The following ETS1 variants were observed in gnomAD, a reference collection of about 807,000 sequenced individuals.
The protein encoded by ETS1 is protein C-ets-1.
Under a neutral mutation model 58.6 loss-of-function variants are expected in ETS1, and 15 were observed. That is an observed-to-expected ratio of 0.26 (90% CI 0.17 to 0.39). The LOEUF (loss-of-function observed/expected upper bound fraction) is 0.39. Ranked by LOEUF, ETS1 falls within the 10% of genes least tolerant of loss-of-function variation. The probability of loss-of-function intolerance (pLI) is 1.00; values close to 1 mark genes in which losing one functional copy is unlikely to be tolerated. For missense variants in ETS1, 417 were observed against 610.5 expected, an observed-to-expected ratio of 0.68 and a Z score of 3.34; for synonymous variants, 214 against 218.2, an observed-to-expected ratio of 0.98 and a Z score of 0.17.
chr11:128,559,278 A>G (rs1864366268), intron 2 of ETS1, among the ~76,000 whole-genome samples: 1 of 152,226 alleles, frequency 6.6e-6, no homozygotes, highest in African/African-American at 2.4e-5. Flanking sequence ...CCTGGGAACA[A>G]TGTGCAGAGG....
At chr11:128,578,477 TTTCTTTTGAAAACAAAA>T (rs1048609229) in intron 1 of ETS1, among the ~76,000 whole-genome samples, 2 of 152,192 alleles carry the variant, frequency 1.3e-5, no homozygotes, top group Non-Finnish European at 2.9e-5. Flanking sequence ...CTTTAATTTT[TTTCTTTTGAAAACAAAA>T]TTCTTTTGAA....
In ETS1 at chr11:128,585,394, T is replaced by TTCTGCTGTTTG. The variant is rs577068106; in HGVS notation, c.-15+2083_-15+2093dup. Among the ~76,000 whole-genome samples the TTCTGCTGTTTG allele has an allele frequency of 1.4e-3, 208 of 152,032 alleles. 1 individual carries two copies. Among genetic ancestry groups the TTCTGCTGTTTG allele is most frequent in the African/African-American group, 4.8e-3 (200 of 41,396 alleles). On this transcript the variant is annotated intron_variant, in intron 1 of 9. Coordinates refer to ENST00000392668, the MANE Select transcript of ETS1 (RefSeq NM_001143820.2). ...CAGCTCGTGGGACGTAATCATTCCC[T>TTCTGCTGTTTG]TCTGCTGTTTGATGTGAACAGTTGG... is the stretch of plus-strand genomic sequence containing the variant.
chr11:128,492,266 T>A (rs181029103), intron 3 of ETS1, among the ~76,000 whole-genome samples: 231 of 152,350 alleles, frequency 1.5e-3, no homozygotes, highest in Non-Finnish European at 2.6e-3. Flanking sequence ...ATGGGCTGAA[T>A]GAAATTAAGC....
At position 128,480,073 on chromosome 11, in the gene ETS1, C is replaced by T. The variant is rs112740933; in HGVS notation, c.1123+118G>A. On this transcript the variant is annotated intron_variant, in intron 8 of 9. Transcript: ENST00000392668. Reference sequence around the variant, plus strand: ...AGAATTCTTAGAGAGACTTCTCCCCCGTGCCCTGCAAAAGGGAGTCTCTCG... The same window carrying T: ...AGAATTCTTAGAGAGACTTCTCCCCTGTGCCCTGCAAAAGGGAGTCTCTCG... The T allele has an allele frequency of 3.6e-4, 484 of 1,341,020 alleles. 4 individuals carry two copies. The African/African-American group carries it at 6.3e-3, about 17-fold the overall frequency. The allele number at this position is 1,341,020 out of a possible 1,614,324, so 83.1% of individuals were successfully genotyped here. A position where few individuals can be genotyped will look rare whatever the true frequency, so the allele number is the denominator to read the frequency against.
At chr11:128,551,562 G>A (rs181327483) in intron 3 of ETS1, among the ~76,000 whole-genome samples, 27 of 152,332 alleles carry the variant, frequency 1.8e-4, no homozygotes, top group Non-Finnish European at 3.4e-4. Context: ...ATAAATAAGT[G>A]TAATATTTCA....
At chr11:128,487,468 C>G (rs571271826) in intron 5 of ETS1, among the ~76,000 whole-genome samples, 1 of 152,260 alleles carries the variant, frequency 6.6e-6, no homozygotes, top group African/African-American at 2.4e-5. Context: ...AGGGCAGGCG[C>G]GGTGGCTCAC....
At chr11:128,548,520 C>T (rs1314742964) in intron 3 of ETS1, among the ~76,000 whole-genome samples, 2 of 152,176 alleles carry the variant, frequency 1.3e-5, no homozygotes, top group Non-Finnish European at 2.9e-5. Flanking sequence ...TAAACGGTAA[C>T]GACACACACT....
chr11:128,530,736 A>G (rs35656079), intron 3 of ETS1, among the ~76,000 whole-genome samples: 6,319 of 152,274 alleles, frequency 0.041, 247 homozygotes, highest in Non-Finnish European at 0.056. Flanking sequence ...CAGCGCTCTC[A>G]TGGCAGATTC....
chr11:128,584,131 T>G (rs1261275465), intron 1 of ETS1, among the ~76,000 whole-genome samples: 3 of 152,202 alleles, frequency 2.0e-5, no homozygotes, highest in Non-Finnish European at 2.9e-5. Flanking sequence ...AAACTGATAT[T>G]TGTCAGGGAA....
chr11:128,476,565 G>T (rs1175383380), intron 8 of ETS1, among the ~76,000 whole-genome samples: 1 of 152,244 alleles, frequency 6.6e-6, no homozygotes, highest in Non-Finnish European at 1.5e-5. Flanking sequence ...GGGTTGAGAG[G>T]AAGAGAGACT....
intron 2 of ETS1, among the ~76,000 whole-genome samples, chr11:128,563,431 T>C (rs1435819558): frequency 2.0e-5 from 3 of 152,206 alleles, no homozygotes; most frequent in Non-Finnish European, 4.4e-5. Context: ...TCAAGCAGCC[T>C]GGGTTCAAGT....
intron 3 of ETS1, among the ~76,000 whole-genome samples, chr11:128,544,873 C>G (rs184775897): frequency 3.3e-5 from 5 of 152,180 alleles, no homozygotes; most frequent in Non-Finnish European, 7.3e-5. Flanking sequence ...CAATTAGTCT[C>G]TCTATTCAGA....
In ETS1 at chr11:128,462,397, G is replaced by A. The variant is rs139627540; in HGVS notation, c.1422C>T (p.His474=). ...CATCTGGCTTGACGTCCAGCATGGC[G>A]TGCAGCTCCTCAGGGGTGTACCCCA... ...SLLGYTPEEL[H]AMLDVKPDAD... is the part of the protein sequence containing the mutation. Residue 474 remains histidine (H), a synonymous_variant, in exon 10 of 10, where the codon CAC becomes CAT. Transcript: ENST00000392668. 4.5e-5 allele frequency: 73 copies of A among 1,613,838 alleles called. No homozygotes were observed. Among genetic ancestry groups the A allele is most frequent in the East Asian group, 1.3e-4 (6 of 44,886 alleles).
rs1251571634 is a variant in ETS1 at position 128,549,751 on chromosome 11, C to T, written c.214+6540G>A. 6.6e-6 allele frequency among the ~76,000 whole-genome samples: 1 copy of T among 152,138 alleles called. No individual in the cohort carries two copies. On this transcript the variant is annotated intron_variant, in intron 3 of 9. Coordinates refer to ENST00000392668, the MANE Select transcript of ETS1 (RefSeq NM_001143820.2). The surrounding 1 kb of genome is among the most constrained non-coding windows in gnomAD (Gnocchi z 4.3). Reference sequence around the variant, plus strand: ...TAAAGGCCTTTCCAAGCCCTCCTTCCTCGGGGCTGTTGGGGTCACTCCTGA... The same window carrying T: ...TAAAGGCCTTTCCAAGCCCTCCTTCTTCGGGGCTGTTGGGGTCACTCCTGA...
intron 3 of ETS1, among the ~76,000 whole-genome samples, chr11:128,528,541 TAC>T (rs1313738758): frequency 2.6e-5 from 4 of 152,208 alleles, no homozygotes; most frequent in African/African-American, 9.6e-5. Flanking sequence ...GTCAGTCTCC[TAC>T]ACTCTTTAAA....
At chr11:128,553,221 G>A (rs557549850) in intron 3 of ETS1, among the ~76,000 whole-genome samples, 1 of 152,320 alleles carries the variant, frequency 6.6e-6, no homozygotes, top group East Asian at 1.9e-4. Context: ...TAGGGAGGAG[G>A]GGGAAGAGGC....
intron 1 of ETS1, among the ~76,000 whole-genome samples, chr11:128,580,918 A>C (rs1488293592): frequency 1.3e-5 from 2 of 152,210 alleles, no homozygotes; most frequent in Non-Finnish European, 1.5e-5. Context: ...GTCCTGTATG[A>C]ATTGACATAG....
chr11:128,527,318 G>A lies in ETS1; in HGVS notation c.214+28973C>T, dbSNP rs968456220. The A allele has an allele frequency of 2.6e-5, 5 of 193,608 alleles. No homozygotes were observed. The South Asian group carries it at 3.8e-4, about 15-fold the overall frequency. The allele number at this position is 193,608 out of a possible 1,614,324, so 12.0% of individuals were successfully genotyped here. On this transcript the variant is annotated intron_variant, in intron 3 of 9. Coordinates refer to ENST00000392668, the MANE Select transcript of ETS1 (RefSeq NM_001143820.2). The stretch of plus-strand genomic sequence containing the variant: ...GCATCTGCAGCCCCAACAATGTGGG[G>A]TGGATTGGCCTAATCCACAGACCAA...
intron 2 of ETS1, among the ~76,000 whole-genome samples, chr11:128,559,446 T>C (rs1005355232): frequency 6.6e-6 from 1 of 152,238 alleles, no homozygotes; most frequent in Admixed American, 6.5e-5. Flanking sequence ...GTTTTTTTCC[T>C]GGAGTCTCTT....
Sources: allele counts gnomAD v4.1 joint callset (sites outside exome capture counted in the v4.1 genomes callset), GRCh38; gene constraint gnomAD v4.1.1; non-coding constraint Gnocchi (gnomAD v3.1); transcripts MANE v1.5; gene names NCBI Gene and HGNC (gene_info 2026-07-23, HGNC 2026-07-21).